Variants in CADPS2 observed in about 807,000 individuals in gnomAD.
CADPS2 encodes calcium dependent secretion activator 2.
CADPS2 carries 93 observed loss-of-function variants against 172.5 expected under a neutral mutation model. That is an observed-to-expected ratio of 0.54 (90% CI 0.46 to 0.64). The LOEUF is 0.64. Ranked by LOEUF, CADPS2 falls within the 30% of genes least tolerant of loss-of-function variation. The probability of loss-of-function intolerance (pLI) is 0.00; values close to 1 mark genes in which losing one functional copy is unlikely to be tolerated. For synonymous variants in CADPS2, 546 were observed against 555.2 expected (o/e 0.98, Z 0.23); for missense variants, 1,420 against 1,565.9 (o/e 0.91, Z 1.57).
intron 1 of CADPS2, among the ~76,000 whole-genome samples, chr7:122,760,807 TGTTG>T (rs2093353058): frequency 8.9e-6 from 1 of 112,214 alleles, no homozygotes. Flanking sequence ...CACTGGGGCC[TGTTG>T]TGGGGTGGGG....
At chr7:122,686,846 G>A (rs921098524) in intron 2 of CADPS2, among the ~76,000 whole-genome samples, 14 of 152,086 alleles carry the variant, frequency 9.2e-5, no homozygotes, top group South Asian at 2.1e-4. Context: ...CACTACGCCC[G>A]GCTAACTTTT....
At chr7:122,378,691 G>A (rs1298961275) in intron 25 of CADPS2, 1 of 151,968 alleles carries the variant, frequency 6.6e-6, no homozygotes, top group Non-Finnish European at 1.5e-5. Context: ...AGTGCCTCTA[G>A]GAACATGACC....
At chr7:122,607,678 A>G (rs902187819) in intron 6 of CADPS2, among the ~76,000 whole-genome samples, 2 of 152,256 alleles carry the variant, frequency 1.3e-5, no homozygotes, top group East Asian at 3.9e-4. Flanking sequence ...CTCTCATTTT[A>G]AAGATCCCCA....
chr7:122,339,080 A>G (rs1585106349), intron 28 of CADPS2: 1 of 152,224 alleles, frequency 6.6e-6, no homozygotes, highest in Non-Finnish European at 1.5e-5. Context: ...TTCTTCTATA[A>G]TATCGTAGAA....
At chr7:122,797,191 G>A (rs1471957820) in intron 1 of CADPS2, among the ~76,000 whole-genome samples, 1 of 152,010 alleles carries the variant, frequency 6.6e-6, no homozygotes, top group African/African-American at 2.4e-5. Context: ...TTATTAAAAA[G>A]TCAAATAACA....
intron 5 of CADPS2, among the ~76,000 whole-genome samples, chr7:122,618,038 C>T (rs1356861134): frequency 2.4e-5 from 2 of 84,678 alleles, no homozygotes; most frequent in African/African-American, 9.1e-5. Context: ...TGCAAGATTC[C>T]ATCTCAAAAA....
chr7:122,494,027 T>C (rs758792561), intron 9 of CADPS2, among the ~76,000 whole-genome samples: 8 of 151,788 alleles, frequency 5.3e-5, no homozygotes, highest in Non-Finnish European at 1.2e-4. Flanking sequence ...GCTGGGAAAG[T>C]ACTTCGTAGA....
chr7:122,526,877 A>G (rs2061280386), intron 8 of CADPS2, among the ~76,000 whole-genome samples: 1 of 152,190 alleles, frequency 6.6e-6, no homozygotes, highest in Non-Finnish European at 1.5e-5. Flanking sequence ...CAAGGGCCAT[A>G]TCAGCTGTGA....
chr7:122,883,762 AAAGT>A (rs974398990), intron 1 of CADPS2, among the ~76,000 whole-genome samples: 2 of 152,250 alleles, frequency 1.3e-5, no homozygotes, highest in African/African-American at 4.8e-5. Context: ...ATAAAAAATA[AAAGT>A]AATTCACAAA....
chr7:122,568,507 C>T (rs1443305951), intron 7 of CADPS2, among the ~76,000 whole-genome samples: 1 of 151,892 alleles, frequency 6.6e-6, no homozygotes, highest in East Asian at 1.9e-4. Context: ...AATATTTACA[C>T]CAAAGAGCTC....
At chr7:122,852,039 G>A (rs764857867) in intron 1 of CADPS2, among the ~76,000 whole-genome samples, 27 of 152,138 alleles carry the variant, frequency 1.8e-4, no homozygotes, top group African/African-American at 2.9e-4. Flanking sequence ...GCTAGTAAGC[G>A]GCAGAACTGT....
At chr7:122,508,421 G>T (rs1275548014) in intron 9 of CADPS2, among the ~76,000 whole-genome samples, 1 of 132,344 alleles carries the variant, frequency 7.6e-6, no homozygotes, top group Admixed American at 8.0e-5. Flanking sequence ...TTATAATATA[G>T]AATCCAGTTA....
chr7:122,817,380 C>T (rs1164088521), intron 1 of CADPS2, among the ~76,000 whole-genome samples: 1 of 152,168 alleles, frequency 6.6e-6, no homozygotes, highest in African/African-American at 2.4e-5. Flanking sequence ...GTCCCTCAAC[C>T]ACTTTCTCCT....
chr7:122,622,074 T>C (rs1282748579), intron 4 of CADPS2, among the ~76,000 whole-genome samples: 1 of 152,186 alleles, frequency 6.6e-6, no homozygotes, highest in Non-Finnish European at 1.5e-5. Context: ...TTGCGATGCT[T>C]GGGATAACTG....
At chr7:122,349,928 A>T (rs547492479) in intron 27 of CADPS2, among the ~76,000 whole-genome samples, 1 of 152,174 alleles carries the variant, frequency 6.6e-6, no homozygotes, top group Admixed American at 6.6e-5. Flanking sequence ...TTAACCTTCC[A>T]CTGAAGGTTA....
At position 122,325,597 on chromosome 7, in the gene CADPS2, G is replaced by A. The variant is rs1185114026; in HGVS notation, c.3613-16C>T. 1 of 1,535,280 alleles carries A rather than the reference G, an allele frequency of 6.5e-7. No homozygotes were observed. Among genetic ancestry groups the A allele is most frequent in the East Asian group, 2.3e-5 (1 of 44,126 alleles). ...TGTACCATTGCTAGAAGGGAGAATT[G>A]GGGCACAGGGGAGGAGAACAAAAAA... is the stretch of plus-strand genomic sequence containing the variant. On this transcript the variant is annotated splice_polypyrimidine_tract_variant and intron_variant, in intron 28 of 29. Transcript: ENST00000449022.
intron 14 of CADPS2, among the ~76,000 whole-genome samples, chr7:122,469,201 T>C (rs564626369): frequency 1.3e-5 from 2 of 152,292 alleles, no homozygotes; most frequent in Admixed American, 6.5e-5. Flanking sequence ...TCAGTAACTT[T>C]CCATTATAAT....
intron 2 of CADPS2, chr7:122,698,844 C>G (rs766418174): frequency 6.2e-7 from 1 of 1,613,328 alleles, no homozygotes; most frequent in South Asian, 1.1e-5. Flanking sequence ...GACTAACAAG[C>G]CAAAGAACAC....
intron 2 of CADPS2, among the ~76,000 whole-genome samples, chr7:122,714,028 CAAG>C (rs1216435566): frequency 6.6e-6 from 1 of 152,030 alleles, no homozygotes; most frequent in Non-Finnish European, 1.5e-5. Context: ...TGTCAAACTT[CAAG>C]AAGAACATTC....
Sources: allele counts gnomAD v4.1 joint callset (sites outside exome capture counted in the v4.1 genomes callset), GRCh38; gene constraint gnomAD v4.1.1; transcripts MANE v1.5; gene names NCBI Gene and HGNC (gene_info 2026-07-23, HGNC 2026-07-21).